The following FHOD3 variants were observed in gnomAD, a reference collection of about 807,000 sequenced individuals.
FHOD3 encodes the protein formin homology 2 domain containing 3, also known as FH1/FH2 domain-containing protein 3.
FHOD3 carries 90 observed loss-of-function variants against 173.0 expected under a neutral mutation model. The observed-to-expected ratio is 0.52, with a 90% CI of 0.44 to 0.62. The LOEUF (loss-of-function observed/expected upper bound fraction) is 0.62, where lower values mean the gene tolerates loss of function less well. Ranked by LOEUF, FHOD3 falls within the 20% of genes least tolerant of loss-of-function variation. The pLI, the probability that FHOD3 is intolerant of heterozygous loss-of-function variation, is 0.00. For synonymous variants in FHOD3, 828 were observed against 823.0 expected, an observed-to-expected ratio of 1.01 and a Z score of -0.10; for missense variants, 1,945 against 2,034.7, an observed-to-expected ratio of 0.96 and a Z score of 0.85.
At chr18:36,735,220 T>G (rs2041570029) in intron 20 of FHOD3, among the ~76,000 whole-genome samples, 3 of 152,206 alleles carry the variant, frequency 2.0e-5, no homozygotes. Context: ...AGAAGTTTTC[T>G]TTGGCCACAG....
At position 36,625,516 on chromosome 18, in the gene FHOD3, G is replaced by A. The variant is rs758649741; in HGVS notation, c.963G>A (p.Ala321=). The part of the protein sequence containing the change: ...LVEQLNIYEV[A]LRHEDGDETT... ...GGCGTGCTCTGCTTTTCCAGGTGGC[G>A]CTCAGGCACGAGGATGGCGATGAGA... Residue 321 remains alanine, a synonymous_variant, in exon 10 of 29, where the codon GCG becomes GCA. Transcript: ENST00000590592. 28 of 1,419,654 alleles carry A rather than the reference G, an allele frequency of 2.0e-5. No individual in the cohort carries two copies. Among genetic ancestry groups the A allele is most frequent in the Non-Finnish European group, 2.2e-5 (24 of 1,072,308 alleles). The allele number at this position is 1,419,654 out of a possible 1,614,324, so 87.9% of individuals were successfully genotyped here. A position where few individuals can be genotyped will look rare whatever the true frequency, so the allele number is the denominator to read the frequency against.
At chr18:36,551,538 G>T (rs182441022) in intron 5 of FHOD3, among the ~76,000 whole-genome samples, 6 of 151,904 alleles carry the variant, frequency 3.9e-5, no homozygotes, top group Admixed American at 2.0e-4. Flanking sequence ...TTTTGTTGCC[G>T]TTGCTTTTGG....
intron 5 of FHOD3, among the ~76,000 whole-genome samples, chr18:36,529,693 G>A (rs988828088): frequency 3.9e-5 from 6 of 152,040 alleles, no homozygotes; most frequent in African/African-American, 7.2e-5. Context: ...CCAGCTACTC[G>A]GGAGGCTGAG....
At chr18:36,722,643 C>T (rs117073084) in intron 19 of FHOD3, among the ~76,000 whole-genome samples, 11 of 152,032 alleles carry the variant, frequency 7.2e-5, no homozygotes, top group Admixed American at 1.3e-4. Flanking sequence ...GTCACTCTGT[C>T]GCCCAGGCTG....
chr18:36,478,646 A>G (rs1182058740), intron 3 of FHOD3, among the ~76,000 whole-genome samples: 1 of 152,140 alleles, frequency 6.6e-6, no homozygotes, highest in African/African-American at 2.4e-5. Flanking sequence ...TGACCTCCAC[A>G]TTGAATGTAG....
Position 36,760,652 on chromosome 18 carries a change from G to T in FHOD3, c.4494G>T (p.Pro1498=). The change falls in exon 27 of 29, where the codon CCG becomes CCT. Residue 1498 remains proline (P), a synonymous_variant. Coordinates refer to ENST00000590592, the MANE Select transcript of FHOD3 (RefSeq NM_001281740.3). ...GTTCTCCGGCGCCCCCAAGCCAGCCGCAGGGTCTGAGCTATGCGGAGGACG... is the reference window on the plus strand; with the variant it reads ...GTTCTCCGGCGCCCCCAAGCCAGCCTCAGGGTCTGAGCTATGCGGAGGACG... ...SGSSPAPPSQ[P]QGLSYAEDAA... The T allele has an allele frequency of 6.3e-7, 1 of 1,597,270 alleles. No homozygotes were observed. Among genetic ancestry groups the T allele is most frequent in the Non-Finnish European group, 8.5e-7 (1 of 1,170,806 alleles).
chr18:36,380,474 T>TTCCCCTCCC (rs2047686215), intron 3 of FHOD3, among the ~76,000 whole-genome samples: 1 of 134,516 alleles, frequency 7.4e-6, no homozygotes, highest in African/African-American at 2.7e-5. Flanking sequence ...CCTCCCTTCA[T>TTCCCCTCCC]TCCCCTCCCT....
chr18:36,511,396 G>A (rs533121150), intron 4 of FHOD3, among the ~76,000 whole-genome samples: 5 of 149,356 alleles, frequency 3.3e-5, no homozygotes, highest in African/African-American at 1.2e-4. Flanking sequence ...CCACTCCTGA[G>A]TCTTAGTGTC....
chr18:36,571,656 T>G (rs1429045519), intron 5 of FHOD3, among the ~76,000 whole-genome samples: 2 of 152,254 alleles, frequency 1.3e-5, no homozygotes, highest in South Asian at 2.1e-4. Context: ...TGTGTGGCAT[T>G]GGCAAAGGGT....
chr18:36,455,318 G>A (rs1490997641), intron 3 of FHOD3, among the ~76,000 whole-genome samples: 3 of 152,194 alleles, frequency 2.0e-5, no homozygotes, highest in African/African-American at 4.8e-5. Flanking sequence ...GCAACAGTCT[G>A]TTGTCCTGGA....
At chr18:36,744,328 T>C in intron 23 of FHOD3, 135 bp downstream of exon 23, 2 of 849,036 alleles carry the variant, frequency 2.4e-6, no homozygotes, top group East Asian at 2.7e-5. Context: ...CTGGAGTTTA[T>C]GAATATGATT....
At chr18:36,739,771 G>A (rs554871645) in intron 20 of FHOD3, among the ~76,000 whole-genome samples, 18 of 152,280 alleles carry the variant, frequency 1.2e-4, no homozygotes, top group African/African-American at 4.1e-4. Flanking sequence ...TATAGATAAC[G>A]AACTAATAAG....
chr18:36,709,796 A>G (rs932791447), intron 18 of FHOD3: 5 of 167,406 alleles, frequency 3.0e-5, no homozygotes, highest in African/African-American at 1.2e-4. Flanking sequence ...AAACTGTCAC[A>G]TTGTCATCTA....
intron 3 of FHOD3, among the ~76,000 whole-genome samples, chr18:36,474,209 A>G (rs1348329635): frequency 6.6e-6 from 1 of 152,198 alleles, no homozygotes; most frequent in Non-Finnish European, 1.5e-5. Flanking sequence ...CAAACCAGGG[A>G]CAAGTAGACT....
chr18:36,501,148 T>G (rs911989307), intron 3 of FHOD3, among the ~76,000 whole-genome samples: 3 of 152,188 alleles, frequency 2.0e-5, no homozygotes, highest in Non-Finnish European at 4.4e-5. Flanking sequence ...ATGTGACTGC[T>G]CAACAGTGGG....
chr18:36,655,577 G>A (rs569284998), intron 13 of FHOD3, among the ~76,000 whole-genome samples: 29 of 152,294 alleles, frequency 1.9e-4, no homozygotes, highest in African/African-American at 6.3e-4. Flanking sequence ...TTCTCCAGCA[G>A]GAACTTGGAT....
intron 3 of FHOD3, among the ~76,000 whole-genome samples, chr18:36,410,144 C>T (rs1020601853): frequency 1.3e-5 from 2 of 152,272 alleles, no homozygotes; most frequent in Admixed American, 1.3e-4. Context: ...AACACCACAC[C>T]TATTCACAGT....
At chr18:36,565,535 C>T (rs149350086) in intron 5 of FHOD3, among the ~76,000 whole-genome samples, 137 of 152,252 alleles carry the variant, frequency 9.0e-4, no homozygotes, top group Middle Eastern at 3.4e-3. Flanking sequence ...ACAGATCATT[C>T]CTCCCAAAAC....
At chr18:36,371,920 C>T (rs1458518428) in intron 2 of FHOD3, among the ~76,000 whole-genome samples, 2 of 152,142 alleles carry the variant, frequency 1.3e-5, no homozygotes, top group South Asian at 2.1e-4. Context: ...CCCTTTTCTC[C>T]AAACCTCAAA....
Sources: gnomAD v4.1 joint callset for allele counts (sites outside exome capture counted in the v4.1 genomes callset) on GRCh38, gnomAD v4.1.1 for gene constraint, MANE v1.5 for transcripts, NCBI Gene and HGNC (gene_info 2026-07-23, HGNC 2026-07-21) for gene names.